SHD: variants seen among roughly 807,000 people sequenced by gnomAD.
The protein encoded by SHD is SH2 domain-containing adapter protein D.
SHD carries 29 observed loss-of-function variants against 31.2 expected under a neutral mutation model. The observed-to-expected ratio is 0.93, with a 90% CI of 0.69 to 1.27. The LOEUF (loss-of-function observed/expected upper bound fraction) is 1.27, where lower values mean the gene tolerates loss of function less well. SHD is among the 50% of genes most tolerant of loss of function. The pLI is 0.00. For synonymous variants in SHD, 208 were observed against 187.8 expected (o/e 1.11, Z -0.88); for missense variants, 520 against 453.8 (o/e 1.15, Z -1.33).
At chr19:4,286,471 A>G (rs1306754279) in intron 4 of SHD, among the ~76,000 whole-genome samples, 1 of 151,848 alleles carries the variant, frequency 6.6e-6, no homozygotes, top group East Asian at 1.9e-4. Flanking sequence ...CAGCCTCTCC[A>G]TGGGACCACA....
rs149685593 is a variant in SHD, at chr19:4,284,871, G to A, written c.683G>A (p.Arg228His). 8.9e-5 allele frequency: 144 copies of A among 1,611,012 alleles called. No homozygotes were observed. Among genetic ancestry groups the A allele is most frequent in the Non-Finnish European group, 1.2e-4 (137 of 1,178,722 alleles). ...CCCAGAAGCCCCCAGCCTGCGGAGCGTGTGGACCCAGCCCTGCCCCTGGAG... is the reference window on the plus strand; with the variant it reads ...CCCAGAAGCCCCCAGCCTGCGGAGCATGTGGACCCAGCCCTGCCCCTGGAG... ...PPPRSPQPAE[R>H]VDPALPLEKQ... The change falls in exon 4 of 6, where the codon CGT (arginine) becomes CAT (histidine). Residue 228 changes from arginine to histidine, a missense_variant. Transcript: ENST00000543264.
chr19:4,281,713 G>T (rs571691995), intron 1 of SHD, among the ~76,000 whole-genome samples: 1 of 151,880 alleles, frequency 6.6e-6, no homozygotes, highest in Non-Finnish European at 1.5e-5. Context: ...AGCCAACATC[G>T]CGCCACTGCA....
rs1264765213 is a variant in SHD, at chr19:4,288,312, C to T, written c.786C>T (p.Tyr262=). The T allele has an allele frequency of 6.2e-7, 1 of 1,613,828 alleles. No individual in the cohort carries two copies. The highest frequency in any genetic ancestry group is 8.5e-7 in the Non-Finnish European group (1 of 1,179,948). The stretch of plus-strand genomic sequence containing the variant: ...TGTCCCTCTGCAAGGAAGGCAGCTA[C>T]CTAGTGCGGCTCAGTGAGACCAACC... ...SLLSLCKEGS[Y]LVRLSETNPQ... is the part of the protein sequence containing the mutation. Residue 262 remains tyrosine (Y), a synonymous_variant, in exon 5 of 6, where the codon TAC becomes TAT. Coordinates refer to ENST00000543264, the MANE Select transcript of SHD (RefSeq NM_020209.4).
At chr19:4,285,954 C>A (rs1355561695) in intron 4 of SHD, among the ~76,000 whole-genome samples, 46 of 132,654 alleles carry the variant, frequency 3.5e-4, no homozygotes, top group African/African-American at 1.3e-3. Context: ...TGCAATGACA[C>A]AATCTCAGCT....
chr19:4,279,773 G>T lies in SHD; in HGVS notation c.-291G>T, dbSNP rs1022767965. On this transcript the variant is annotated 5_prime_UTR_variant, in exon 1 of 6. Transcript: ENST00000543264. The surrounding 1 kb of genome is among the most constrained non-coding windows in gnomAD (Gnocchi z 7.5). ...TGCCCCTCGCCCTAGCCCCCAGCGC[G>T]CGGGGTTCGGGGCCCTGCGAGGTCC... 1.5e-5 allele frequency: 6 copies of T among 400,830 alleles called. No homozygotes were observed. The highest frequency in any genetic ancestry group is 8.4e-5 in the East Asian group (2 of 23,690). 24.8% of individuals were successfully genotyped at this position (400,830 alleles called of 1,614,324 possible).
intron 1 of SHD, among the ~76,000 whole-genome samples, chr19:4,281,881 AC>A (rs2144714223): frequency 6.6e-6 from 1 of 152,326 alleles, no homozygotes; most frequent in African/African-American, 2.4e-5. Context: ...CAAAACACTT[AC>A]TGTCTCTGTG....
Position 4,280,101 on chromosome 19 carries a change from G to T in SHD, c.38G>T (p.Gly13Val), listed in dbSNP as rs1971240902. 4 of 1,612,210 alleles carry T rather than the reference G, an allele frequency of 2.5e-6. No homozygotes were observed. The highest frequency in any genetic ancestry group is 1.7e-5 in the Admixed American group (1 of 59,720). The change falls in exon 1 of 6, where the codon GGT (glycine) becomes GTT (valine). Residue 13 changes from glycine (G) to valine (V), a missense_variant. By Grantham distance (109) the Gly-to-Val change is moderately radical (BLOSUM62 -3). Transcript: ENST00000543264. ...CTACGGGACTACCTGAGCTTTGGGG[G>T]TCGGAGGCCCCCTCCGCAGCCGCCC... ...KWLRDYLSFG[G>V]RRPPPQPPTP...
chr19:4,282,397 G>A (rs1415616871), intron 1 of SHD, among the ~76,000 whole-genome samples: 1 of 152,020 alleles, frequency 6.6e-6, no homozygotes, highest in African/African-American at 2.4e-5. Flanking sequence ...TGTAGCCTGG[G>A]CAACGGAGCA....
chr19:4,282,646 G>A (rs1035545653), intron 1 of SHD, among the ~76,000 whole-genome samples: 1 of 151,622 alleles, frequency 6.6e-6, no homozygotes, highest in African/African-American at 2.4e-5. Flanking sequence ...AACCCAGGAG[G>A]CAGAGCTTGC....
intron 1 of SHD, among the ~76,000 whole-genome samples, chr19:4,282,539 C>A (rs1370177763): frequency 6.6e-6 from 1 of 152,032 alleles, no homozygotes; most frequent in Non-Finnish European, 1.5e-5. Flanking sequence ...TCCCGGCTAA[C>A]ACGGTGAAAC....
At chr19:4,281,282 CA>C (rs72274547) in intron 1 of SHD, among the ~76,000 whole-genome samples, 52,120 of 147,208 alleles carry the variant, frequency 0.35, 9,121 homozygotes, top group East Asian at 0.41. Flanking sequence ...CTTGTCTCTA[CA>C]AAAAAAAAAT....
chr19:4,283,858 A>AT (rs1971282217), intron 3 of SHD, among the ~76,000 whole-genome samples: 1 of 150,718 alleles, frequency 6.6e-6, no homozygotes, highest in African/African-American at 2.4e-5. Context: ...GATTACAGGC[A>AT]GGAGCCACCG....
At chr19:4,289,946 G>C (rs1350698406) in intron 5 of SHD, among the ~76,000 whole-genome samples, 1 of 151,450 alleles carries the variant, frequency 6.6e-6, no homozygotes, top group African/African-American at 2.4e-5. Flanking sequence ...CACAATATCA[G>C]CTCACTGCAG....
At chr19:4,282,790 T>C in intron 1 of SHD, 80 bp from the exon 2 acceptor site, 1 of 1,057,814 alleles carries the variant, frequency 9.5e-7, no homozygotes. Flanking sequence ...GATGGCCCTG[T>C]GGGCAGGCAA....
intron 1 of SHD, among the ~76,000 whole-genome samples, chr19:4,281,451 A>T (rs1455174248): frequency 5.0e-5 from 1 of 20,070 alleles, no homozygotes; most frequent in Non-Finnish European, 1.1e-4. Context: ...CCTGTCTCAA[A>T]AAAAAAAAAA....
In SHD at chr19:4,284,855, C is replaced by T. The variant is rs1450241058; in HGVS notation, c.667C>T (p.Pro223Ser). 1.9e-6 allele frequency: 3 copies of T among 1,612,796 alleles called. No homozygotes were observed. Among genetic ancestry groups the T allele is most frequent in the African/African-American group, 2.7e-5 (2 of 74,868 alleles). Residue 223 changes from proline (P) to serine (S), a missense_variant, in exon 4 of 6, where the codon CCC becomes TCC. Coordinates refer to ENST00000543264, the MANE Select transcript of SHD (RefSeq NM_020209.4). ...GCTCCGGAGACCTCCGCCCAGAAGC[C>T]CCCAGCCTGCGGAGCGTGTGGACCC... is the stretch of plus-strand genomic sequence containing the variant. The part of the protein sequence containing the change: ...KELRRPPPRS[P>S]QPAERVDPAL...
chr19:4,280,805 G>C (rs1408376927), intron 1 of SHD, among the ~76,000 whole-genome samples: 1 of 152,126 alleles, frequency 6.6e-6, no homozygotes, highest in East Asian at 1.9e-4. Flanking sequence ...GGGATTACAG[G>C]TGTGAGTCAC....
chr19:4,279,997 A>AGGGGCCCGGAGAAGGGCATGTG lies in SHD; in HGVS notation c.-59_-38dup. 1 of 1,474,680 alleles carries AGGGGCCCGGAGAAGGGCATGTG rather than the reference A, an allele frequency of 6.8e-7. No homozygotes were observed. Among genetic ancestry groups the AGGGGCCCGGAGAAGGGCATGTG allele is most frequent in the South Asian group, 1.4e-5 (1 of 71,812 alleles). 91.3% of individuals were successfully genotyped at this position (1,474,680 alleles called of 1,614,324 possible). A position where few individuals can be genotyped will look rare whatever the true frequency, so the allele number is the denominator to read the frequency against. ...CCACCTCCTCCTCCTCCTTGGGGAA[A>AGGGGCCCGGAGAAGGGCATGTG]GGGGCCCGGAGAAGGGCATGTGGGG... On this transcript the variant is annotated 5_prime_UTR_variant, in exon 1 of 6. In the 5' UTR this introduces an upstream ATG that the reference lacks. Coordinates refer to ENST00000543264, the MANE Select transcript of SHD (RefSeq NM_020209.4). This position sits in a 1 kb window ranked among gnomAD's most constrained non-coding sequence, Gnocchi z 7.5.
chr19:4,283,877 C>T (rs12974477), intron 3 of SHD, among the ~76,000 whole-genome samples: 3 of 151,486 alleles, frequency 2.0e-5, no homozygotes, highest in Non-Finnish European at 4.4e-5. Context: ...CGCGCCCCCG[C>T]CCGGGGCAGC....
Sources: gnomAD v4.1 joint callset for allele counts (sites outside exome capture counted in the v4.1 genomes callset) on GRCh38, gnomAD v4.1.1 for gene constraint, Gnocchi (gnomAD v3.1) non-coding constraint, MANE v1.5 for transcripts, NCBI Gene and HGNC (gene_info 2026-07-23, HGNC 2026-07-21) for gene names.